Variants in EML6 observed in about 807,000 individuals in gnomAD.
The protein encoded by EML6 is echinoderm microtubule-associated protein-like 6.
EML6 carries 154 observed loss-of-function variants against 240.1 expected under a neutral mutation model. The ratio of observed to expected loss-of-function variants is 0.64; its 90% CI spans 0.56 to 0.73. The LOEUF (loss-of-function observed/expected upper bound fraction) is 0.73. EML6 is among the 30% of genes least tolerant of loss of function. EML6 has a pLI of 0.00. For missense variants in EML6, 2,964 were observed against 2,474.6 expected (o/e 1.20, Z -4.20); for synonymous variants, 1,148 against 899.0 (o/e 1.28, Z -4.95).
chr2:54,858,653 A>G (rs1670515810), intron 11 of EML6, among the ~76,000 whole-genome samples: 1 of 152,216 alleles, frequency 6.6e-6, no homozygotes, highest in African/African-American at 2.4e-5. Flanking sequence ...AGAGCCCCTG[A>G]TATAATGAGG....
At chr2:54,801,625 G>T (rs919149862) in intron 2 of EML6, among the ~76,000 whole-genome samples, 1 of 152,204 alleles carries the variant, frequency 6.6e-6, no homozygotes, top group African/African-American at 2.4e-5. Context: ...AAAATACAAA[G>T]GAAAATCGGT....
At chr2:54,755,663 A>AT (rs1167057057) in intron 2 of EML6, among the ~76,000 whole-genome samples, 1 of 151,986 alleles carries the variant, frequency 6.6e-6, no homozygotes, top group East Asian at 1.9e-4. Context: ...TAGAAATATA[A>AT]TTTTTTAGTT....
intron 26 of EML6, among the ~76,000 whole-genome samples, chr2:54,919,220 C>G (rs935220617): frequency 2.7e-5 from 4 of 149,860 alleles, no homozygotes; most frequent in Admixed American, 2.0e-4. Flanking sequence ...GAGAAGTGTT[C>G]CTAACTTTCC....
At chr2:54,819,237 C>T (rs1342438872) in intron 4 of EML6, among the ~76,000 whole-genome samples, 1 of 152,160 alleles carries the variant, frequency 6.6e-6, no homozygotes, top group South Asian at 2.1e-4. Flanking sequence ...CCTTCCCTTT[C>T]TATCAGTGTG....
intron 31 of EML6, among the ~76,000 whole-genome samples, 166 bp downstream of exon 31, chr2:54,952,858 C>A (rs1676050359): frequency 6.6e-6 from 1 of 152,174 alleles, no homozygotes. Context: ...TGCGTTGACA[C>A]ATCCAGTGAC....
chr2:54,756,507 G>A (rs1667738257), intron 2 of EML6, among the ~76,000 whole-genome samples: 1 of 152,084 alleles, frequency 6.6e-6, no homozygotes, highest in Non-Finnish European at 1.5e-5. Context: ...ATTTTATATT[G>A]TCATACACAG....
intron 18 of EML6, among the ~76,000 whole-genome samples, chr2:54,892,104 G>T (rs1573084787): frequency 6.6e-6 from 1 of 152,166 alleles, no homozygotes; most frequent in Non-Finnish European, 1.5e-5. Context: ...GGCTGACACA[G>T]AACTTGTGCT....
intron 2 of EML6, among the ~76,000 whole-genome samples, chr2:54,745,915 A>C (rs1683890933): frequency 6.6e-6 from 1 of 152,208 alleles, no homozygotes; most frequent in Non-Finnish European, 1.5e-5. Flanking sequence ...TAGGATTGTA[A>C]ACCAAGGGAG....
At chr2:54,803,181 G>A (rs764794813) in intron 2 of EML6, among the ~76,000 whole-genome samples, 1 of 152,192 alleles carries the variant, frequency 6.6e-6, no homozygotes, top group Non-Finnish European at 1.5e-5. Context: ...CAAAACAAAA[G>A]CCAGAGCTCC....
rs1395703702 is a variant in EML6 at position 54,819,325 on chromosome 2, A to G, written c.457-1069A>G. Among the ~76,000 whole-genome samples the G allele has an allele frequency of 2.6e-5, 4 of 152,150 alleles. No individual in the cohort carries two copies. The East Asian group carries it at 5.8e-4, about 22-fold the overall frequency. Reference sequence around the variant, plus strand: ...TTAAAGTGTTGGGTATCTGGGCCCAATTCCAGACCCACTAAATGAGAGCAT... The same window carrying G: ...TTAAAGTGTTGGGTATCTGGGCCCAGTTCCAGACCCACTAAATGAGAGCAT... On this transcript the variant is annotated intron_variant, in intron 4 of 41. Coordinates refer to ENST00000356458, the MANE Select transcript of EML6 (RefSeq NM_001039753.4).
At chr2:54,863,745 G>T in intron 12 of EML6, 38 bp from the exon 13 acceptor site, 1 of 1,115,244 alleles carries the variant, frequency 9.0e-7, no homozygotes, top group East Asian at 2.6e-5. Flanking sequence ...CAGAGTCTCA[G>T]AATTTTTGCT....
At chr2:54,805,072 T>G (rs1487860807) in intron 2 of EML6, among the ~76,000 whole-genome samples, 1 of 152,234 alleles carries the variant, frequency 6.6e-6, no homozygotes, top group Non-Finnish European at 1.5e-5. Flanking sequence ...GACTTGAGTA[T>G]TCCACTGAAT....
intron 25 of EML6, among the ~76,000 whole-genome samples, chr2:54,915,989 A>G (rs972968774): frequency 6.6e-6 from 1 of 152,234 alleles, no homozygotes; most frequent in Non-Finnish European, 1.5e-5. Flanking sequence ...CCTCAGTCTT[A>G]TCAGGATTTA....
chr2:54,741,013 G>A (rs915921242), intron 2 of EML6, among the ~76,000 whole-genome samples: 24 of 152,208 alleles, frequency 1.6e-4, no homozygotes, highest in African/African-American at 5.5e-4. Context: ...ATCTATGGGA[G>A]AAAAATGAGA....
intron 24 of EML6, among the ~76,000 whole-genome samples, chr2:54,906,360 A>C (rs1332432567): frequency 2.0e-5 from 3 of 152,174 alleles, no homozygotes; most frequent in Non-Finnish European, 4.4e-5. Flanking sequence ...AAAGCACAAG[A>C]TCTCGGCCAG....
Position 54,863,723 on chromosome 2 carries a change from A to C in EML6, c.1826-60A>C, listed in dbSNP as rs1573024978. The C allele has an allele frequency of 1.9e-5, 15 of 803,226 alleles. No homozygotes were observed. The East Asian group carries it at 4.1e-4, about 22-fold the overall frequency. The allele number at this position is 803,226 out of a possible 1,614,324, so 49.8% of individuals were successfully genotyped here. A position where few individuals can be genotyped will look rare whatever the true frequency, so the allele number is the denominator to read the frequency against. ...GATAAAAGGAAAAATATTTTAGATA[A>C]TTTCAGTTGCTCAGAGTCTCAGAAT... On this transcript the variant is annotated intron_variant, in intron 12 of 41. Transcript: ENST00000356458.
Position 54,725,760 on chromosome 2 carries a change from A to G in EML6, c.197+502A>G, listed in dbSNP as rs1441691251. On this transcript the variant is annotated intron_variant, in intron 2 of 41. Transcript: ENST00000356458. The surrounding 1 kb of genome is among the most constrained non-coding windows in gnomAD (Gnocchi z 4.3). ...TGCTTTGGACCTGGGAAATTTCTGC[A>G]GTGGGTGGGGAGTTTGTTCTCTAAT... 2.0e-5 allele frequency among the ~76,000 whole-genome samples: 3 copies of G among 152,240 alleles called. No homozygotes were observed. The highest frequency in any genetic ancestry group is 7.2e-5 in the African/African-American group (3 of 41,466).
intron 2 of EML6, among the ~76,000 whole-genome samples, chr2:54,735,390 TA>T (rs1480589738): frequency 6.6e-6 from 1 of 152,228 alleles, no homozygotes; most frequent in Non-Finnish European, 1.5e-5. Context: ...AGGTGTGGAA[TA>T]GGGGTGAGAT....
At chr2:54,733,006 C>T (rs1260390573) in intron 2 of EML6, among the ~76,000 whole-genome samples, 1 of 152,220 alleles carries the variant, frequency 6.6e-6, no homozygotes, top group East Asian at 1.9e-4. Context: ...TCTTTGACCT[C>T]TACTCTTTTA....
Sources: gnomAD v4.1 joint callset for allele counts (sites outside exome capture counted in the v4.1 genomes callset) on GRCh38, gnomAD v4.1.1 for gene constraint, Gnocchi (gnomAD v3.1) non-coding constraint, MANE v1.5 for transcripts, NCBI Gene and HGNC (gene_info 2026-07-23, HGNC 2026-07-21) for gene names.